NKAIN3: variants seen among roughly 807,000 people sequenced by gnomAD.
NKAIN3 encodes sodium/potassium-transporting ATPase subunit beta-1-interacting protein 3.
NKAIN3 carries 25 observed loss-of-function variants against 30.2 expected under a neutral mutation model. The observed-to-expected ratio is 0.83, with a 90% confidence interval of 0.60 to 1.16. The LOEUF (loss-of-function observed/expected upper bound fraction) is 1.16, where lower values mean the gene tolerates loss of function less well. Ranked by LOEUF, NKAIN3 falls within the 50% of genes most tolerant of loss-of-function variation. The pLI, the probability that NKAIN3 is intolerant of heterozygous loss-of-function variation, is 0.00. For missense variants in NKAIN3, 225 were observed against 254.1 expected (o/e 0.89, Z 0.78); for synonymous variants, 91 against 89.6 (o/e 1.02, Z -0.09).
intron 4 of NKAIN3, among the ~76,000 whole-genome samples, chr8:62,826,594 G>T (rs1819032825): frequency 6.6e-6 from 1 of 152,146 alleles, no homozygotes; most frequent in Non-Finnish European, 1.5e-5. Context: ...TGAACGTAGA[G>T]AAATTGAGTT....
At chr8:62,895,090 T>G (rs979843) in intron 4 of NKAIN3, among the ~76,000 whole-genome samples, 71,262 of 152,120 alleles carry the variant, frequency 0.47, 18,568 homozygotes, top group African/African-American at 0.71. Context: ...AGGGGTTCTG[T>G]TGGTAAAGAA....
At chr8:62,686,110 C>G (rs148584219) in intron 3 of NKAIN3, among the ~76,000 whole-genome samples, 1 of 152,274 alleles carries the variant, frequency 6.6e-6, no homozygotes, top group East Asian at 1.9e-4. Context: ...GCTTACTCTC[C>G]AAGGCCACGT....
chr8:62,438,656 G>A (rs1342135065), intron 1 of NKAIN3, among the ~76,000 whole-genome samples: 2 of 152,102 alleles, frequency 1.3e-5, no homozygotes, highest in Admixed American at 6.5e-5. Flanking sequence ...ACACCTCTTG[G>A]GTTCAAGAGA....
chr8:62,874,446 C>G (rs1272975415), intron 4 of NKAIN3, among the ~76,000 whole-genome samples: 1 of 152,168 alleles, frequency 6.6e-6, no homozygotes, highest in Non-Finnish European at 1.5e-5. Context: ...AAAGGAGGGA[C>G]TCCTCCCTAA....
intron 1 of NKAIN3, among the ~76,000 whole-genome samples, chr8:62,511,678 A>C (rs1051290958): frequency 1.2e-4 from 18 of 152,026 alleles, no homozygotes; most frequent in African/African-American, 4.3e-4. Context: ...CCACAGTTCC[A>C]CCAGCCTTCT....
chr8:62,249,048 A>T lies in NKAIN3; in HGVS notation c.-26A>T, dbSNP rs753695559. 5.9e-6 allele frequency: 9 copies of T among 1,531,038 alleles called. No homozygotes were observed. The highest frequency in any genetic ancestry group is 1.2e-5 in the South Asian group (1 of 83,322). The allele number at this position is 1,531,038 out of a possible 1,614,324, so 94.8% of individuals were successfully genotyped here. A position where few individuals can be genotyped will look rare whatever the true frequency, so the allele number is the denominator to read the frequency against. ...CGGAGGACGAGGATCTCTGGCAGTCAGCGCCGCTCGGACGCCGCCGGCACC... is the reference window on the plus strand; with the variant it reads ...CGGAGGACGAGGATCTCTGGCAGTCTGCGCCGCTCGGACGCCGCCGGCACC... On this transcript the variant is annotated 5_prime_UTR_variant, in exon 1 of 7. Transcript: ENST00000623646.
chr8:62,397,751 G>A (rs564566552), intron 1 of NKAIN3, among the ~76,000 whole-genome samples: 2 of 152,272 alleles, frequency 1.3e-5, no homozygotes, highest in Admixed American at 1.3e-4. Flanking sequence ...CGGCGCTACG[G>A]CATCTGCCAG....
intron 1 of NKAIN3, among the ~76,000 whole-genome samples, chr8:62,326,770 A>C (rs557013633): frequency 1.3e-5 from 2 of 152,062 alleles, no homozygotes; most frequent in Admixed American, 1.3e-4. Flanking sequence ...TGAGTATACA[A>C]ATATCTGTTT....
chr8:62,564,693 G>A (rs561180198), intron 1 of NKAIN3, among the ~76,000 whole-genome samples: 2 of 152,180 alleles, frequency 1.3e-5, no homozygotes, highest in African/African-American at 2.4e-5. Context: ...GAACAGAGCA[G>A]GTTATGGCAC....
chr8:62,599,278 A>T (rs1451167697), intron 3 of NKAIN3, among the ~76,000 whole-genome samples: 3 of 151,936 alleles, frequency 2.0e-5, no homozygotes, highest in African/African-American at 7.3e-5. Flanking sequence ...TCAGCACTTG[A>T]AGGTAATGGA....
At chr8:62,392,003 A>G (rs1817596996) in intron 1 of NKAIN3, among the ~76,000 whole-genome samples, 1 of 152,078 alleles carries the variant, frequency 6.6e-6, no homozygotes, top group Non-Finnish European at 1.5e-5. Context: ...GACAACAACA[A>G]CAATGACAAC....
rs1816096204 is a variant in NKAIN3 at position 62,747,049 on chromosome 8, ACG to A, written c.392_393del (p.Thr131IlefsTer10). ...PSAHGMMDDY[T>X]YVSVTGCIVD... ...AGCCCATGGCATGATGGACGATTAC[ACG>A]TACGTCTCTGTCACAGGCTGCATCG... On this transcript the variant is annotated frameshift_variant, in exon 4 of 7. Coordinates refer to ENST00000623646, the MANE Select transcript of NKAIN3 (RefSeq NM_001304533.3). LOFTEE classifies it high-confidence loss of function. 6.2e-7 allele frequency: 1 copy of A among 1,613,758 alleles called. No individual in the cohort carries two copies. Among genetic ancestry groups the A allele is most frequent in the Non-Finnish European group, 8.5e-7 (1 of 1,179,650 alleles).
intron 5 of NKAIN3, among the ~76,000 whole-genome samples, chr8:62,938,640 A>T (rs1293819664): frequency 6.6e-6 from 1 of 152,092 alleles, no homozygotes; most frequent in African/African-American, 2.4e-5. Flanking sequence ...GCTAGACCCA[A>T]AGAGAAATAA....
At chr8:62,586,832 G>T (rs535182835) in intron 2 of NKAIN3, among the ~76,000 whole-genome samples, 2 of 151,874 alleles carry the variant, frequency 1.3e-5, no homozygotes, top group Admixed American at 6.6e-5. Flanking sequence ...TGTCTATGTG[G>T]ATCTGGATTT....
intron 1 of NKAIN3, among the ~76,000 whole-genome samples, chr8:62,484,061 C>T (rs1212861072): frequency 2.6e-5 from 4 of 152,188 alleles, no homozygotes; most frequent in African/African-American, 7.2e-5. Context: ...ATACACAAGT[C>T]GGTAGGTGCT....
chr8:62,446,424 G>A (rs1369613040), intron 1 of NKAIN3, among the ~76,000 whole-genome samples: 2 of 151,894 alleles, frequency 1.3e-5, no homozygotes, highest in East Asian at 1.9e-4. Flanking sequence ...TGTGTAATGA[G>A]CGCCATTTTT....
intron 5 of NKAIN3, among the ~76,000 whole-genome samples, chr8:62,935,377 A>G (rs1296603288): frequency 6.6e-6 from 1 of 152,138 alleles, no homozygotes. Flanking sequence ...TGTTTACTGC[A>G]TGCTTTCTGT....
At chr8:62,855,519 G>A (rs2130780720) in intron 4 of NKAIN3, 1 of 1,431,610 alleles carries the variant, frequency 7.0e-7, no homozygotes, top group East Asian at 2.3e-5. Context: ...TTGTAATCTG[G>A]TGGGTAAACA....
At position 62,311,559 on chromosome 8, in the gene NKAIN3, A is replaced by G. The variant is rs1458011388; in HGVS notation, c.54+62432A>G. 4.6e-5 allele frequency among the ~76,000 whole-genome samples: 7 copies of G among 150,590 alleles called. No homozygotes were observed. The East Asian group carries it at 1.4e-3, about 29-fold the overall frequency. On this transcript the variant is annotated intron_variant, in intron 1 of 6. Transcript: ENST00000623646. ...TGAGACTGCATGCAACTGGGAGGTC[A>G]AGTAGGACAGAGCCCTGGACTCCAT...
Sources: allele counts gnomAD v4.1 joint callset (sites outside exome capture counted in the v4.1 genomes callset), GRCh38; gene constraint gnomAD v4.1.1; transcripts MANE v1.5; gene names NCBI Gene and HGNC (gene_info 2026-07-23, HGNC 2026-07-21).